The following RBM47 variants were observed in gnomAD, a reference collection of about 807,000 sequenced individuals.
RBM47 encodes the protein RNA-binding protein 47.
Under a neutral mutation model 47.1 loss-of-function variants are expected in RBM47, and 21 were observed. That is an observed-to-expected ratio of 0.45 (90% CI 0.32 to 0.64). The LOEUF (loss-of-function observed/expected upper bound fraction) is 0.64. RBM47 is among the 30% of genes least tolerant of loss of function. RBM47 has a pLI of 0.05. For missense variants in RBM47, 708 were observed against 870.9 expected (o/e 0.81, Z 2.35); for synonymous variants, 375 against 361.7 (o/e 1.04, Z -0.42).
At chr4:40,568,963 A>G (rs903282246) in intron 1 of RBM47, among the ~76,000 whole-genome samples, 1 of 151,034 alleles carries the variant, frequency 6.6e-6, no homozygotes, top group African/African-American at 2.4e-5. Flanking sequence ...CCTGGGCGAC[A>G]ATAGTGAGAC....
At chr4:40,625,621 A>G (rs374270389) in intron 1 of RBM47, among the ~76,000 whole-genome samples, 17 of 152,268 alleles carry the variant, frequency 1.1e-4, no homozygotes, top group African/African-American at 4.1e-4. Flanking sequence ...GAATATGAGC[A>G]AAACTGACAA....
At chr4:40,608,867 T>C (rs1184009561) in intron 1 of RBM47, among the ~76,000 whole-genome samples, 1 of 152,222 alleles carries the variant, frequency 6.6e-6, no homozygotes, top group African/African-American at 2.4e-5. Flanking sequence ...TTAAATCTTA[T>C]ATGTACATTC....
intron 2 of RBM47, chr4:40,514,389 GTT>G (rs1725315272): frequency 6.6e-6 from 1 of 152,122 alleles, no homozygotes; most frequent in South Asian, 2.1e-4. Flanking sequence ...AAAAAATAGA[GTT>G]TGCAAAGAAA....
At chr4:40,548,055 G>A (rs1263492738) in intron 1 of RBM47, among the ~76,000 whole-genome samples, 1 of 152,246 alleles carries the variant, frequency 6.6e-6, no homozygotes, top group Non-Finnish European at 1.5e-5. Context: ...GTACAGATTA[G>A]TGGAGCACAG....
chr4:40,465,425 C>T (rs1036811347), intron 3 of RBM47, among the ~76,000 whole-genome samples: 12 of 152,074 alleles, frequency 7.9e-5, no homozygotes, highest in African/African-American at 2.7e-4. Flanking sequence ...CATGGGAGGC[C>T]GAGGAGGGCA....
At chr4:40,504,592 C>A (rs1723844537) in intron 2 of RBM47, among the ~76,000 whole-genome samples, 1 of 152,078 alleles carries the variant, frequency 6.6e-6, no homozygotes, top group South Asian at 2.1e-4. Flanking sequence ...TGCACCCGAC[C>A]CTCATTGTTG....
At chr4:40,442,920 C>T (rs10018241) in intron 3 of RBM47, among the ~76,000 whole-genome samples, 9,607 of 152,168 alleles carry the variant, frequency 0.063, 367 homozygotes, top group African/African-American at 0.11. Flanking sequence ...GTGCTCTGCC[C>T]GCCTCGGTCT....
In RBM47 at chr4:40,425,277, A is replaced by G. The variant is rs923741474; in HGVS notation, c.*627T>C. ...TCAATGTTGGCTTAAGGAGAGATCC[A>G]GTGTTTAATTTCTTTTAAAAAATAG... On this transcript the variant is annotated 3_prime_UTR_variant, in exon 7 of 7. Coordinates refer to ENST00000295971, the MANE Select transcript of RBM47 (RefSeq NM_001098634.2). 6.5e-6 allele frequency: 1 copy of G among 152,700 alleles called. No individual in the cohort carries two copies. Among genetic ancestry groups the G allele is most frequent in the Non-Finnish European group, 1.5e-5 (1 of 68,074 alleles). 9.5% of individuals were successfully genotyped at this position (152,700 alleles called of 1,614,324 possible). A position where few individuals can be genotyped will look rare whatever the true frequency, so the allele number is the denominator to read the frequency against.
At chr4:40,562,355 G>A (rs1177891649) in intron 1 of RBM47, among the ~76,000 whole-genome samples, 5 of 152,086 alleles carry the variant, frequency 3.3e-5, no homozygotes, top group Admixed American at 6.6e-5. Context: ...GAAGGCTTCC[G>A]GTCCCAAAGA....
At chr4:40,445,190 C>T (rs1347139437) in intron 3 of RBM47, among the ~76,000 whole-genome samples, 1 of 149,536 alleles carries the variant, frequency 6.7e-6, no homozygotes, top group Non-Finnish European at 1.5e-5. Flanking sequence ...AGGAGAATGG[C>T]GTGAGCCCGA....
intron 3 of RBM47, among the ~76,000 whole-genome samples, chr4:40,449,526 C>G (rs527346433): frequency 1.3e-5 from 2 of 152,300 alleles, no homozygotes; most frequent in South Asian, 2.1e-4. Flanking sequence ...TCTATCAACA[C>G]ACACCTGAGA....
At chr4:40,592,241 T>C (rs1240192513) in intron 1 of RBM47, among the ~76,000 whole-genome samples, 2 of 151,630 alleles carry the variant, frequency 1.3e-5, no homozygotes, top group African/African-American at 4.8e-5. Flanking sequence ...TGGTATCACA[T>C]TTACTTTTTC....
At chr4:40,581,429 A>G (rs1256738607) in intron 1 of RBM47, among the ~76,000 whole-genome samples, 1 of 63,046 alleles carries the variant, frequency 1.6e-5, no homozygotes, top group African/African-American at 6.0e-5. Context: ...TCAAAAAAAA[A>G]GTAATAATAA....
chr4:40,618,592 C>A lies in RBM47; in HGVS notation c.-240+10804G>T, dbSNP rs192410036. Among the ~76,000 whole-genome samples, 545 of 151,566 alleles carry A rather than the reference C, an allele frequency of 3.6e-3. 2 individuals carry two copies. The highest frequency in any genetic ancestry group is 6.8e-3 in the Middle Eastern group (2 of 294). On this transcript the variant is annotated intron_variant, in intron 1 of 6. Transcript: ENST00000295971. ...TTGGAAGGCCGAGGTGGGCAGATCACGAGGTCAGGAGGTCGAGACCAGCCT... is the reference window on the plus strand; with the variant it reads ...TTGGAAGGCCGAGGTGGGCAGATCAAGAGGTCAGGAGGTCGAGACCAGCCT...
intron 2 of RBM47, 84 bp downstream of exon 2, chr4:40,544,338 G>A (rs898162053): frequency 5.9e-5 from 9 of 152,172 alleles, no homozygotes; most frequent in African/African-American, 1.9e-4. Context: ...GCATTTTGAT[G>A]TCGCTATGTG....
chr4:40,454,943 T>TAAG lies in RBM47; in HGVS notation c.-32+11633_-32+11634insCTT, dbSNP rs780546688. Among the ~76,000 whole-genome samples, 315 of 152,302 alleles carry TAAG rather than the reference T, an allele frequency of 2.1e-3. 1 individual carries two copies. Among genetic ancestry groups the TAAG allele is most frequent in the Non-Finnish European group, 3.5e-3 (237 of 68,026 alleles). On this transcript the variant is annotated intron_variant, in intron 3 of 6. Transcript: ENST00000295971. The stretch of plus-strand genomic sequence containing the variant: ...TTGCTACTTACTTACTTACAGCAGG[T>TAAG]TTAGCAATAGCCAGTGTTAACAGGA...
At chr4:40,621,129 CT>C (rs776885888) in intron 1 of RBM47, among the ~76,000 whole-genome samples, 30 of 151,930 alleles carry the variant, frequency 2.0e-4, no homozygotes, top group Admixed American at 7.2e-4. Flanking sequence ...GTACTATTGC[CT>C]TTTTTTTACT....
At chr4:40,446,209 C>G (rs868584244) in intron 3 of RBM47, among the ~76,000 whole-genome samples, 1 of 152,154 alleles carries the variant, frequency 6.6e-6, no homozygotes, top group East Asian at 1.9e-4. Flanking sequence ...TTAACTCATT[C>G]TAATCCTCAC....
intron 1 of RBM47, among the ~76,000 whole-genome samples, chr4:40,566,639 C>T (rs1366718759): frequency 6.6e-6 from 1 of 151,910 alleles, no homozygotes; most frequent in Non-Finnish European, 1.5e-5. Flanking sequence ...AGCGAGACTC[C>T]ATCTCAAAAA....
Sources: gnomAD v4.1 joint callset for allele counts (sites outside exome capture counted in the v4.1 genomes callset) on GRCh38, gnomAD v4.1.1 for gene constraint, MANE v1.5 for transcripts, NCBI Gene and HGNC (gene_info 2026-07-23, HGNC 2026-07-21) for gene names.